KIAA1217: variants seen among roughly 807,000 people sequenced by gnomAD.
KIAA1217 encodes sickle tail protein homolog.
KIAA1217 carries 88 observed loss-of-function variants against 163.9 expected under a neutral mutation model. That is an observed-to-expected ratio of 0.54 (90% confidence interval 0.45 to 0.64). The LOEUF (loss-of-function observed/expected upper bound fraction) is 0.64, where lower values mean the gene tolerates loss of function less well. KIAA1217 is among the 30% of genes least tolerant of loss of function. KIAA1217 has a pLI of 0.00. For missense variants in KIAA1217, 2,372 were observed against 2,475.0 expected (o/e 0.96, Z 0.88); for synonymous variants, 903 against 923.1 (o/e 0.98, Z 0.39).
At chr10:23,769,039 G>A (rs1170193364) in intron 1 of KIAA1217, among the ~76,000 whole-genome samples, 2 of 152,264 alleles carry the variant, frequency 1.3e-5, no homozygotes, top group East Asian at 3.9e-4. Flanking sequence ...ATTAAGACAG[G>A]GGAATTGCAA....
At chr10:24,285,609 T>G (rs556228011) in intron 2 of KIAA1217, among the ~76,000 whole-genome samples, 2 of 152,258 alleles carry the variant, frequency 1.3e-5, no homozygotes, top group African/African-American at 4.8e-5. Context: ...TTTTGGTTAC[T>G]GTAGCCTTGT....
At chr10:24,084,041 G>T (rs1383935303) in intron 2 of KIAA1217, among the ~76,000 whole-genome samples, 3 of 152,144 alleles carry the variant, frequency 2.0e-5, no homozygotes, top group Non-Finnish European at 4.4e-5. Context: ...CTCTCCCTCT[G>T]GTCTGGAACA....
chr10:24,208,957 GGACA>G (rs994698481), upstream of KIAA1217: 1 of 371,710 alleles, frequency 2.7e-6, no homozygotes, highest in Non-Finnish European at 5.0e-6. Context: ...ACGGACGGAC[GGACA>G]GACCTAGGGA....
intron 1 of KIAA1217, among the ~76,000 whole-genome samples, chr10:23,714,548 G>A (rs552324338): frequency 1.3e-5 from 2 of 152,140 alleles, no homozygotes; most frequent in African/African-American, 4.8e-5. Flanking sequence ...CAAGATTCCT[G>A]CCTTTTCACC....
At chr10:24,502,653 A>G (rs2150650) in intron 9 of KIAA1217, among the ~76,000 whole-genome samples, 12,941 of 152,192 alleles carry the variant, frequency 0.085, 761 homozygotes, top group African/African-American at 0.17. Context: ...CCTAGGCTCT[A>G]TACAGATATC....
rs1372298673 is a variant in KIAA1217 at position 24,543,461 on chromosome 10, T to C, written c.4191T>C (p.Ser1397=). The C allele has an allele frequency of 6.2e-7, 1 of 1,614,064 alleles. No individual in the cohort carries two copies. Among genetic ancestry groups the C allele is most frequent in the Non-Finnish European group, 8.5e-7 (1 of 1,180,018 alleles). ...ITETTVQVLS[S]GEVHDIVSQK... The stretch of plus-strand genomic sequence containing the variant: ...AAACCACTGTCCAGGTTCTTTCCAG[T>C]GGGGAGGTGCATGATATTGTTAGCC... The change falls in exon 19 of 21, where the codon AGT becomes AGC. Residue 1397 remains serine, a synonymous_variant. Transcript: ENST00000376454.
chr10:24,021,629 T>C (rs1847736340), intron 2 of KIAA1217, among the ~76,000 whole-genome samples: 1 of 151,834 alleles, frequency 6.6e-6, no homozygotes, highest in Non-Finnish European at 1.5e-5. Context: ...AAGATACAAA[T>C]AGCCAACACA....
rs753825154 is a variant in KIAA1217, at chr10:24,153,958, ATT to A, written c.-170-65652_-170-65651del. On this transcript the variant is annotated intron_variant, in intron 2 of 18. Transcript: ENST00000376462. ...GTAAGACTGTGTCTCTACAAAAAAT[ATT>A]TTTTTTTTTTTTTTTGAGACGGAGT... 9.0e-4 allele frequency among the ~76,000 whole-genome samples: 122 copies of A among 135,298 alleles called. 1 individual carries two copies. The East Asian group carries it at 0.012, about 13-fold the overall frequency. The allele number at this position is 135,298 out of a possible 152,430, so 88.8% of individuals were successfully genotyped here.
At chr10:24,242,389 A>C (rs1163092988) in intron 2 of KIAA1217, among the ~76,000 whole-genome samples, 1 of 152,182 alleles carries the variant, frequency 6.6e-6, no homozygotes, top group Non-Finnish European at 1.5e-5. Context: ...GGAAAATGGT[A>C]TTCAGCTCCA....
At chr10:23,925,603 T>A (rs1407191514) in intron 1 of KIAA1217, among the ~76,000 whole-genome samples, 4 of 152,222 alleles carry the variant, frequency 2.6e-5, no homozygotes, top group African/African-American at 9.6e-5. Context: ...GTGTTCCATG[T>A]TTCGAAGGCA....
At chr10:24,007,445 G>C (rs897589871) in intron 2 of KIAA1217, 11 of 152,142 alleles carry the variant, frequency 7.2e-5, no homozygotes, top group African/African-American at 2.7e-4. Context: ...ATTATGAGCT[G>C]TAGGCCTATC....
chr10:24,174,880 T>G (rs1038475152), intron 2 of KIAA1217, among the ~76,000 whole-genome samples: 1 of 151,982 alleles, frequency 6.6e-6, no homozygotes, highest in African/African-American at 2.4e-5. Context: ...TTTTTGGAGA[T>G]GGAGTCTCCC....
chr10:24,490,978 A>G (rs2066040404), intron 6 of KIAA1217, among the ~76,000 whole-genome samples: 1 of 152,032 alleles, frequency 6.6e-6, no homozygotes. Flanking sequence ...AAGCACCCAG[A>G]CTCTTATCCC....
chr10:24,222,354 A>G (rs2069772248), intron 2 of KIAA1217, among the ~76,000 whole-genome samples: 1 of 152,212 alleles, frequency 6.6e-6, no homozygotes, highest in Non-Finnish European at 1.5e-5. Context: ...TTTTTAATGC[A>G]TGAATCTATG....
At chr10:23,824,983 T>C (rs1341176222) in intron 1 of KIAA1217, among the ~76,000 whole-genome samples, 1 of 152,110 alleles carries the variant, frequency 6.6e-6, no homozygotes, top group Admixed American at 6.6e-5. Flanking sequence ...TGCTTACCAT[T>C]TTTTGCAGTG....
At chr10:24,497,715 G>A (rs1233663689) in intron 8 of KIAA1217, among the ~76,000 whole-genome samples, 3 of 141,788 alleles carry the variant, frequency 2.1e-5, no homozygotes, top group African/African-American at 8.0e-5. Context: ...GCAAGACCTT[G>A]TCTCAAAAAA....
At chr10:23,781,781 G>A (rs370375727) in intron 1 of KIAA1217, among the ~76,000 whole-genome samples, 15 of 151,970 alleles carry the variant, frequency 9.9e-5, no homozygotes, top group Admixed American at 2.0e-4. Context: ...TCATTCTTTC[G>A]TATATAGATA....
chr10:23,805,344 C>A (rs375462622), intron 1 of KIAA1217, among the ~76,000 whole-genome samples: 3 of 152,028 alleles, frequency 2.0e-5, no homozygotes, highest in African/African-American at 7.2e-5. Context: ...ACTGTGTAGC[C>A]ATAAAAAAGA....
chr10:24,263,333 C>G (rs1027120362), intron 2 of KIAA1217, among the ~76,000 whole-genome samples: 1 of 152,132 alleles, frequency 6.6e-6, no homozygotes, highest in Non-Finnish European at 1.5e-5. Flanking sequence ...AATTCTGGGT[C>G]GTTTCATGGG....
Sources: gnomAD v4.1 joint callset for allele counts (sites outside exome capture counted in the v4.1 genomes callset) on GRCh38, gnomAD v4.1.1 for gene constraint, MANE v1.5 for transcripts, NCBI Gene and HGNC (gene_info 2026-07-23, HGNC 2026-07-21) for gene names.